Variants in TENT4B observed in about 807,000 individuals in gnomAD.
TENT4B encodes the protein terminal nucleotidyltransferase 4B.
A neutral mutation model predicts 75.0 loss-of-function variants in TENT4B; 10 were observed. The ratio of observed to expected loss-of-function variants is 0.13; its 90% confidence interval spans 0.08 to 0.23. The LOEUF (loss-of-function observed/expected upper bound fraction) is 0.23, where lower values mean the gene tolerates loss of function less well. Ranked by LOEUF, TENT4B falls within the 10% of genes least tolerant of loss-of-function variation. The probability of loss-of-function intolerance (pLI) is 1.00; values close to 1 mark genes in which losing one functional copy is unlikely to be tolerated. For synonymous variants in TENT4B, 350 were observed against 357.7 expected, an observed-to-expected ratio of 0.98 and a Z score of 0.24; for missense variants, 579 against 893.8, an observed-to-expected ratio of 0.65 and a Z score of 4.49.
intron 1 of TENT4B, among the ~76,000 whole-genome samples, chr16:50,206,688 C>G (rs1481950767): frequency 6.6e-6 from 1 of 152,044 alleles, no homozygotes; most frequent in African/African-American, 2.4e-5. Flanking sequence ...CTAGAAGGCA[C>G]AAGGGAGCTT....
intron 2 of TENT4B, among the ~76,000 whole-genome samples, chr16:50,213,763 A>G (rs2031407429): frequency 6.6e-6 from 1 of 152,222 alleles, no homozygotes; most frequent in Non-Finnish European, 1.5e-5. Context: ...AACAATACAA[A>G]TTATTTTAAA....
chr16:50,155,018 G>A (rs76219171), intron 1 of TENT4B, among the ~76,000 whole-genome samples: 5,567 of 152,232 alleles, frequency 0.037, 137 homozygotes, highest in Non-Finnish European at 0.059. Context: ...CTGTAAAGTT[G>A]TCATCCTGGC....
chr16:50,153,950 A>C lies in TENT4B; in HGVS notation c.329A>C (p.Asn110Thr), dbSNP rs1248820099. The change falls in exon 1 of 12, where the codon AAC (asparagine) becomes ACC (threonine). Residue 110 changes from asparagine to threonine, a missense_variant. Coordinates refer to ENST00000561678, the MANE Select transcript of TENT4B (RefSeq NM_001365324.3). ...QRDFLPLETTNNNNNHHQPGA... is the reference protein window; with the variant it reads ...QRDFLPLETTTNNNNHHQPGA... ...GACTTCCTGCCCCTAGAGACGACCA[A>C]CAACAACAACAACCACCACCAGCCC... The C allele has an allele frequency of 2.9e-5, 44 of 1,528,270 alleles. No homozygotes were observed. The highest frequency in any genetic ancestry group is 4.2e-5 in the African/African-American group (3 of 72,276). 94.7% of individuals were successfully genotyped at this position (1,528,270 alleles called of 1,614,324 possible). A position where few individuals can be genotyped will look rare whatever the true frequency, so the allele number is the denominator to read the frequency against.
intron 1 of TENT4B, among the ~76,000 whole-genome samples, chr16:50,161,915 C>G (rs1297391766): frequency 6.6e-6 from 1 of 150,980 alleles, no homozygotes; most frequent in Non-Finnish European, 1.5e-5. Context: ...GTCTATAGTT[C>G]TATATACAGA....
chr16:50,215,495 C>T (rs957048569), intron 3 of TENT4B, among the ~76,000 whole-genome samples: 3 of 152,176 alleles, frequency 2.0e-5, no homozygotes, highest in African/African-American at 7.2e-5. Context: ...GTAGTACATT[C>T]ACATAGTTCA....
intron 1 of TENT4B, among the ~76,000 whole-genome samples, chr16:50,178,989 A>G (rs767793559): frequency 6.6e-6 from 1 of 152,224 alleles, no homozygotes; most frequent in African/African-American, 2.4e-5. Context: ...TTTTACAACA[A>G]TTTTTACAGA....
chr16:50,202,652 C>G (rs2030720920), intron 1 of TENT4B, among the ~76,000 whole-genome samples: 1 of 152,114 alleles, frequency 6.6e-6, no homozygotes, highest in Admixed American at 6.5e-5. Context: ...TTGGTTAGAA[C>G]TACTCAAGAG....
chr16:50,206,024 G>A (rs1268850779), intron 1 of TENT4B, among the ~76,000 whole-genome samples: 2 of 152,060 alleles, frequency 1.3e-5, no homozygotes, highest in East Asian at 3.9e-4. Flanking sequence ...TGGCTATAAA[G>A]GGAAAGTGCT....
chr16:50,229,469 C>A lies in TENT4B; in HGVS notation c.*141C>A. On this transcript the variant is annotated 3_prime_UTR_variant, in exon 12 of 12. Coordinates refer to ENST00000561678, the MANE Select transcript of TENT4B (RefSeq NM_001365324.3). ...AACTGCGTTTTTTCCCAGCTCGCCA[C>A]AGAATGGATCATGAAGACTGACAAC... 1 of 1,267,350 alleles carries A rather than the reference C, an allele frequency of 7.9e-7. No homozygotes were observed. The highest frequency in any genetic ancestry group is 9.9e-7 in the Non-Finnish European group (1 of 1,009,336). The allele number at this position is 1,267,350 out of a possible 1,614,324, so 78.5% of individuals were successfully genotyped here. A position where few individuals can be genotyped will look rare whatever the true frequency, so the allele number is the denominator to read the frequency against.
Position 50,227,984 on chromosome 16 carries a change from A to G in TENT4B, c.1946A>G (p.Asn649Ser), listed in dbSNP as rs755430424. The change falls in exon 11 of 12, where the codon AAC becomes AGC. Residue 649 changes from asparagine to serine, a missense_variant. Physicochemically the swap from Asn to Ser is conservative, Grantham distance 46. This residue lies in a region of TENT4B where 164 missense variants were observed against 226.5 expected (regional missense o/e 0.72). Coordinates refer to ENST00000561678, the MANE Select transcript of TENT4B (RefSeq NM_001365324.3). ...MQSTQTTNTS[N>S]STNKSQHGSA... Reference sequence around the variant, plus strand: ...AGCACCCAAACCACTAACACATCCAACAGCACCAACAAATCTCAGGTGTGT... The same window carrying G: ...AGCACCCAAACCACTAACACATCCAGCAGCACCAACAAATCTCAGGTGTGT... 24 of 1,613,888 alleles carry G rather than the reference A, an allele frequency of 1.5e-5. No homozygotes were observed. The highest frequency in any genetic ancestry group is 6.7e-5 in the African/African-American group (5 of 74,936).
chr16:50,186,239 A>C (rs2038524107), intron 1 of TENT4B, among the ~76,000 whole-genome samples: 1 of 151,894 alleles, frequency 6.6e-6, no homozygotes. Flanking sequence ...GCTGGCAATC[A>C]CCATTCTACT....
chr16:50,168,505 G>A (rs1282577909), intron 1 of TENT4B, among the ~76,000 whole-genome samples: 2 of 141,340 alleles, frequency 1.4e-5, no homozygotes, highest in Admixed American at 7.5e-5. Flanking sequence ...GTAGAGACTC[G>A]GTTTCATCAT....
rs138214005 is a variant in TENT4B, at chr16:50,226,089, T to G, written c.1800+804T>G. On this transcript the variant is annotated intron_variant, in intron 10 of 11. Coordinates refer to ENST00000561678, the MANE Select transcript of TENT4B (RefSeq NM_001365324.3). ...ATCTTCACTCACCTCAACCTTCGCCTCCTGGGTTCAAGCGATTCTCCTGCC... is the reference window on the plus strand; with the variant it reads ...ATCTTCACTCACCTCAACCTTCGCCGCCTGGGTTCAAGCGATTCTCCTGCC... Among the ~76,000 whole-genome samples the G allele has an allele frequency of 1.9e-3, 286 of 152,086 alleles. 1 individual carries two copies. Among genetic ancestry groups the G allele is most frequent in the African/African-American group, 6.1e-3 (253 of 41,508 alleles).
In TENT4B at chr16:50,192,429, A is replaced by T. The variant is rs185573601; in HGVS notation, c.639-18894A>T. ...TATAGATTTCTTTAAAATTTTTTTT[A>T]AAATTATTATGAGTACACAATAGGT... On this transcript the variant is annotated intron_variant, in intron 1 of 11. Coordinates refer to ENST00000561678, the MANE Select transcript of TENT4B (RefSeq NM_001365324.3). Among the ~76,000 whole-genome samples, 340 of 152,236 alleles carry T rather than the reference A, an allele frequency of 2.2e-3. 1 individual carries two copies. Among genetic ancestry groups the T allele is most frequent in the African/African-American group, 6.6e-3 (273 of 41,554 alleles).
chr16:50,152,966 C>A, upstream of TENT4B: 2 of 1,512,420 alleles, frequency 1.3e-6, no homozygotes, highest in Non-Finnish European at 1.8e-6. Flanking sequence ...CGGCCTCGTC[C>A]ACGCTCAGCA....
At chr16:50,181,464 A>ATTT (rs35488041) in intron 1 of TENT4B, among the ~76,000 whole-genome samples, 30 of 109,808 alleles carry the variant, frequency 2.7e-4, no homozygotes, top group South Asian at 1.5e-3. Flanking sequence ...CAGCTATTGT[A>ATTT]TTTTTTTTTT....
At chr16:50,200,264 A>T (rs2030549513) in intron 1 of TENT4B, among the ~76,000 whole-genome samples, 1 of 151,546 alleles carries the variant, frequency 6.6e-6, no homozygotes, top group African/African-American at 2.4e-5. Flanking sequence ...TGCTTGGGAG[A>T]CTGAGGTGGG....
intron 1 of TENT4B, among the ~76,000 whole-genome samples, chr16:50,175,992 A>C (rs748723091): frequency 6.6e-6 from 1 of 151,996 alleles, no homozygotes; most frequent in Non-Finnish European, 1.5e-5. Context: ...CATGTTGCCC[A>C]GGCTGGTCTT....
chr16:50,179,645 G>A (rs1445435295), intron 1 of TENT4B, among the ~76,000 whole-genome samples: 3 of 152,120 alleles, frequency 2.0e-5, no homozygotes, highest in South Asian at 4.1e-4. Flanking sequence ...AATCATCAAG[G>A]TGTTTGAGAT....
Sources: gnomAD v4.1 joint callset for allele counts (sites outside exome capture counted in the v4.1 genomes callset) on GRCh38, gnomAD v4.1.1 for gene constraint, gnomAD v4.1.1 regional missense constraint, MANE v1.5 for transcripts, NCBI Gene and HGNC (gene_info 2026-07-23, HGNC 2026-07-21) for gene names.